C2CD5: variants seen among roughly 807,000 people sequenced by gnomAD.
The protein encoded by C2CD5 is C2 domain-containing protein 5.
A neutral mutation model predicts 130.3 loss-of-function variants in C2CD5; 109 were observed. The observed-to-expected ratio is 0.84, with a 90% CI of 0.72 to 0.98. The LOEUF is 0.98. Among genes scored for constraint, C2CD5 ranks in the 50% least tolerant of loss-of-function variants. The probability of loss-of-function intolerance (pLI) is 0.00; values close to 1 mark genes in which losing one functional copy is unlikely to be tolerated. For synonymous variants in C2CD5, 454 were observed against 429.2 expected (o/e 1.06, Z -0.71); for missense variants, 996 against 1,261.8 (o/e 0.79, Z 3.19).
intron 14 of C2CD5, among the ~76,000 whole-genome samples, chr12:22,478,928 T>C (rs955024173): frequency 3.9e-5 from 6 of 152,042 alleles, no homozygotes; most frequent in African/African-American, 9.7e-5. Context: ...AGGGTATACA[T>C]AGGACATCTC....
chr12:22,510,034 G>A (rs6487307), intron 9 of C2CD5, among the ~76,000 whole-genome samples: 9,132 of 152,000 alleles, frequency 0.06, 927 homozygotes, highest in African/African-American at 0.21. Context: ...CTGAAACCCC[G>A]TCTCTACTAA....
At chr12:22,493,409 T>G (rs1242297699) in intron 10 of C2CD5, 72 bp from the exon 11 acceptor site, 5 of 754,448 alleles carry the variant, frequency 6.6e-6, no homozygotes, top group Non-Finnish European at 1.1e-5. Flanking sequence ...ATGTTTAAAA[T>G]AAACATACTA....
chr12:22,492,998 C>A (rs952797322), intron 11 of C2CD5, among the ~76,000 whole-genome samples: 2 of 152,118 alleles, frequency 1.3e-5, no homozygotes, highest in Admixed American at 1.3e-4. Context: ...GTATTATCTC[C>A]ATTTTAATGT....
Position 22,457,075 on chromosome 12 carries a change from C to A in C2CD5, c.2773G>T (p.Val925Phe). 6.2e-7 allele frequency: 1 copy of A among 1,612,644 alleles called. No individual in the cohort carries two copies. The highest frequency in any genetic ancestry group is 2.2e-5 in the East Asian group (1 of 44,768). ...APPCANSTVG[V>F]VKMTPLSFIP... is the part of the protein sequence containing the mutation. ...AAAGAAAGAGGTGTCATCTTAACAA[C>A]CCCAACTGTGGAATTTGCACAAGGT... Residue 925 changes from valine to phenylalanine, a missense_variant, in exon 25 of 27, where the codon GTT (valine) becomes TTT (phenylalanine). This residue lies in a region of C2CD5 where 590 missense variants were observed against 631.4 expected (regional missense o/e 0.93). Coordinates refer to ENST00000446597, the MANE Select transcript of C2CD5 (RefSeq NM_001286176.2).
At chr12:22,509,358 T>C (rs1272990864) in intron 9 of C2CD5, among the ~76,000 whole-genome samples, 5 of 152,052 alleles carry the variant, frequency 3.3e-5, no homozygotes, top group Admixed American at 6.5e-5. Context: ...CAATTCAGGG[T>C]TCTTTACCCT....
chr12:22,508,844 C>T (rs1352638863), intron 9 of C2CD5, among the ~76,000 whole-genome samples: 2 of 149,986 alleles, frequency 1.3e-5, no homozygotes, highest in African/African-American at 2.4e-5. Flanking sequence ...TAAAAAATCA[C>T]TTTATATGTA....
At chr12:22,475,776 T>C (rs1204807775) in intron 15 of C2CD5, among the ~76,000 whole-genome samples, 3 of 152,146 alleles carry the variant, frequency 2.0e-5, no homozygotes, top group Non-Finnish European at 2.9e-5. Flanking sequence ...TTTATCTTAT[T>C]TGTACTCCAA....
intron 21 of C2CD5, 36 bp from the exon 22 acceptor site, chr12:22,469,831 G>C: frequency 1.6e-6 from 2 of 1,248,450 alleles, no homozygotes; most frequent in Non-Finnish European, 2.2e-6. Context: ...ATTTAGTAAT[G>C]ATCTATTATT....
At position 22,474,747 on chromosome 12, in the gene C2CD5, T is replaced by C. The variant is rs376222908; in HGVS notation, c.2043+4A>G. On this transcript the variant is annotated splice_donor_region_variant and intron_variant, in intron 16 of 26. Coordinates refer to ENST00000446597, the MANE Select transcript of C2CD5 (RefSeq NM_001286176.2). ...TTTAAGAAATTAGTCCAATGCCACA[T>C]TACCTCCAAAACAAAAGCATCTTTT... is the stretch of plus-strand genomic sequence containing the variant. The C allele has an allele frequency of 5.3e-5, 85 of 1,591,680 alleles. No homozygotes were observed. In the East Asian group the frequency reaches 5.9e-4, roughly 11 times the overall value.
At chr12:22,497,021 T>C (rs1409205175) in intron 10 of C2CD5, among the ~76,000 whole-genome samples, 2 of 152,036 alleles carry the variant, frequency 1.3e-5, no homozygotes, top group African/African-American at 4.8e-5. Flanking sequence ...TATCAGAAAA[T>C]AACAATGTGA....
intron 8 of C2CD5, among the ~76,000 whole-genome samples, chr12:22,514,336 T>C (rs1949497872): frequency 6.6e-6 from 1 of 152,180 alleles, no homozygotes; most frequent in East Asian, 1.9e-4. Flanking sequence ...TATAGTCCCA[T>C]TCTGTTCCTA....
At chr12:22,500,782 ATAAT>A (rs1343342845) in intron 10 of C2CD5, among the ~76,000 whole-genome samples, 9 of 152,186 alleles carry the variant, frequency 5.9e-5, no homozygotes, top group African/African-American at 1.4e-4. Context: ...AGAATGTCTA[ATAAT>A]TAATAAGTAT....
Position 22,522,081 on chromosome 12 carries a change from T to C in C2CD5, c.800+1345A>G, listed in dbSNP as rs74995751. 4.4e-3 allele frequency among the ~76,000 whole-genome samples: 675 copies of C among 152,318 alleles called. 12 individuals are homozygous for C. In the East Asian group the frequency reaches 0.05, roughly 11 times the overall value. On this transcript the variant is annotated intron_variant, in intron 7 of 26. Coordinates refer to ENST00000446597, the MANE Select transcript of C2CD5 (RefSeq NM_001286176.2). ...TTTATTTGAACACAGTCACACTGTA[T>C]TCACTTGCATACTGTTTATGTTTGC...
At chr12:22,514,222 C>G in intron 8 of C2CD5, among the ~76,000 whole-genome samples, 1 of 152,064 alleles carries the variant, frequency 6.6e-6, no homozygotes, top group East Asian at 1.9e-4. Flanking sequence ...CCTTTCAAAA[C>G]GTAAGATGCA....
In C2CD5 at chr12:22,471,504, T is replaced by C; in HGVS notation, c.2269-16A>G. On this transcript the variant is annotated splice_polypyrimidine_tract_variant and intron_variant, in intron 19 of 26. Transcript: ENST00000446597. ...AGTACAGGCTCTACACAATAGAAAA[T>C]ATTAGTAATGTCACTTTTTTATTTA... 7.2e-7 allele frequency: 1 copy of C among 1,385,476 alleles called. No individual in the cohort carries two copies. The highest frequency in any genetic ancestry group is 1.4e-5 in the South Asian group (1 of 72,634). The allele number at this position is 1,385,476 out of a possible 1,614,324, so 85.8% of individuals were successfully genotyped here.
chr12:22,461,878 T>C (rs1488903160), intron 22 of C2CD5, among the ~76,000 whole-genome samples: 1 of 152,134 alleles, frequency 6.6e-6, no homozygotes, highest in African/African-American at 2.4e-5. Flanking sequence ...TCTTTTAACA[T>C]GCTTGCTATC....
Position 22,454,030 on chromosome 12 carries a change from T to C in C2CD5, c.2890A>G (p.Ser964Gly). 6.2e-7 allele frequency: 1 copy of C among 1,613,432 alleles called. No individual in the cohort carries two copies. The highest frequency in any genetic ancestry group is 8.5e-7 in the Non-Finnish European group (1 of 1,179,552). ...GCAATAAAAGCATGGAGAAAACCAC[T>C]GACTCCTCCTTCCTAAATAATAGTG... ...TTSLREEGGV[S>G]GFLHAFIAEV... Residue 964 changes from serine to glycine, a missense_variant, in exon 26 of 27, where the codon AGT becomes GGT. Physicochemically the swap from Ser to Gly is moderately conservative, Grantham distance 56. Coordinates refer to ENST00000446597, the MANE Select transcript of C2CD5 (RefSeq NM_001286176.2).
chr12:22,518,259 A>G, intron 7 of C2CD5, 122 bp from the exon 8 acceptor site: 1 of 894,178 alleles, frequency 1.1e-6, no homozygotes, highest in Non-Finnish European at 1.8e-6. Flanking sequence ...TTACGTGTGG[A>G]GCTGGGAATG....
At chr12:22,510,662 T>C (rs1471934385) in intron 9 of C2CD5, among the ~76,000 whole-genome samples, 7 of 152,242 alleles carry the variant, frequency 4.6e-5, no homozygotes, top group Admixed American at 4.6e-4. Flanking sequence ...AGAGTTTACC[T>C]TATATCAATG....
Sources: gnomAD v4.1 joint callset for allele counts (sites outside exome capture counted in the v4.1 genomes callset) on GRCh38, gnomAD v4.1.1 for gene constraint, gnomAD v4.1.1 regional missense constraint, MANE v1.5 for transcripts, NCBI Gene and HGNC (gene_info 2026-07-23, HGNC 2026-07-21) for gene names.